Variants in DDAH1 observed in about 807,000 individuals in gnomAD.
DDAH1 encodes N(G),N(G)-dimethylarginine dimethylaminohydrolase 1.
Under a neutral mutation model 28.8 loss-of-function variants are expected in DDAH1, and 19 were observed. The ratio of observed to expected loss-of-function variants is 0.66; its 90% CI spans 0.46 to 0.97. The LOEUF is 0.97. DDAH1 is among the 50% of genes least tolerant of loss of function. The pLI, the probability that DDAH1 is intolerant of heterozygous loss-of-function variation, is 0.00. For missense variants in DDAH1, 326 were observed against 375.9 expected, an observed-to-expected ratio of 0.87 and a Z score of 1.10; for synonymous variants, 153 against 154.4, an observed-to-expected ratio of 0.99 and a Z score of 0.07.
Position 85,404,270 on chromosome 1 carries a change from A to C in DDAH1, c.304-45423T>G. ...TAGAATCCACTTCTTAGAAGATGCC[A>C]CCAGTTCATATTGACCCATTATACA... On this transcript the variant is annotated intron_variant, in intron 1 of 5. Coordinates refer to ENST00000284031, the MANE Select transcript of DDAH1 (RefSeq NM_012137.4). 3 of 1,016,994 alleles carry C rather than the reference A, an allele frequency of 2.9e-6. No individual in the cohort carries two copies. The South Asian group carries it at 5.1e-5, about 17-fold the overall frequency. 63.0% of individuals were successfully genotyped at this position (1,016,994 alleles called of 1,614,324 possible). A position where few individuals can be genotyped will look rare whatever the true frequency, so the allele number is the denominator to read the frequency against.
intron 1 of DDAH1, among the ~76,000 whole-genome samples, chr1:85,409,124 A>AT (rs1302417192): frequency 2.6e-5 from 4 of 151,872 alleles, no homozygotes; most frequent in Non-Finnish European, 4.4e-5. Context: ...ACATTATGAG[A>AT]TTTTTTTGAT....
At chr1:85,385,250 T>C (rs970548040) in intron 1 of DDAH1, among the ~76,000 whole-genome samples, 3 of 152,178 alleles carry the variant, frequency 2.0e-5, no homozygotes, top group African/African-American at 7.2e-5. Context: ...GAACCATAGC[T>C]ATAGCCAGGG....
intron 1 of DDAH1, among the ~76,000 whole-genome samples, chr1:85,408,447 A>G (rs1261450216): frequency 6.6e-6 from 1 of 152,216 alleles, no homozygotes; most frequent in African/African-American, 2.4e-5. Context: ...ACATAAAGGT[A>G]TATCATTTTG....
At chr1:85,538,478 AC>A (rs1295240943) in intron 1 of DDAH1, among the ~76,000 whole-genome samples, 1 of 152,104 alleles carries the variant, frequency 6.6e-6, no homozygotes, top group Non-Finnish European at 1.5e-5. Flanking sequence ...AAAGGGGAAC[AC>A]CCGGGGGCCT....
intron 2 of DDAH1, among the ~76,000 whole-genome samples, chr1:85,478,402 T>C (rs1425312901): frequency 6.6e-6 from 1 of 152,222 alleles, no homozygotes; most frequent in African/African-American, 2.4e-5. Flanking sequence ...AGAAGTTTAA[T>C]AGACTCACAG....
chr1:85,388,687 T>G (rs17126791), intron 1 of DDAH1, among the ~76,000 whole-genome samples: 1 of 152,264 alleles, frequency 6.6e-6, no homozygotes, highest in Admixed American at 6.5e-5. Context: ...CTTATCTGGA[T>G]GTAGCACCCA....
chr1:85,460,919 T>A (rs1655096748), intron 1 of DDAH1, among the ~76,000 whole-genome samples: 1 of 152,246 alleles, frequency 6.6e-6, no homozygotes, highest in East Asian at 1.9e-4. Context: ...TCCTACATCA[T>A]CTTTTAGATT....
chr1:85,506,663 T>C (rs1034050567), intron 1 of DDAH1, among the ~76,000 whole-genome samples: 2 of 152,196 alleles, frequency 1.3e-5, no homozygotes, highest in African/African-American at 4.8e-5. Flanking sequence ...GAGAACACCT[T>C]GAACAAGGAT....
At chr1:85,400,177 CTTTTTTTTTTTTTTT>C (rs61677601) in intron 1 of DDAH1, among the ~76,000 whole-genome samples, 3 of 54,946 alleles carry the variant, frequency 5.5e-5, no homozygotes, top group Admixed American at 2.5e-4. Flanking sequence ...CTTTTCTTTT[CTTTTTTTTTTTTTTT>C]TTTTTTTTTT....
chr1:85,372,559 A>T (rs1434377818), intron 1 of DDAH1, among the ~76,000 whole-genome samples: 2 of 151,882 alleles, frequency 1.3e-5, no homozygotes, highest in Non-Finnish European at 2.9e-5. Flanking sequence ...GGTAAGCCAT[A>T]TTTTTCTTGC....
chr1:85,435,184 G>A (rs1653877784), intron 1 of DDAH1: 1 of 152,118 alleles, frequency 6.6e-6, no homozygotes, highest in South Asian at 2.1e-4. Flanking sequence ...TTAAAGACTA[G>A]TCAAGTGCAA....
rs114193836 is a variant in DDAH1 at position 85,482,086 on chromosome 1, G to A, written c.-7+14080C>T. 4.5e-3 allele frequency among the ~76,000 whole-genome samples: 678 copies of A among 152,266 alleles called. 5 individuals carry two copies. Among genetic ancestry groups the A allele is most frequent in the African/African-American group, 0.015 (626 of 41,554 alleles). On this transcript the variant is annotated intron_variant, in intron 2 of 6. Transcript: ENST00000426972. The stretch of plus-strand genomic sequence containing the variant: ...TCAAGTTTATCAGGTAATATGCTTC[G>A]TAAGGTTCTTTCCAACCCTGTTAGC...
chr1:85,342,142 G>A (rs1341154052), intron 4 of DDAH1, among the ~76,000 whole-genome samples: 1 of 152,108 alleles, frequency 6.6e-6, no homozygotes, highest in African/African-American at 2.4e-5. Context: ...GTCACATAGG[G>A]AGAGCTGGAG....
At chr1:85,506,969 G>A (rs992096323) in intron 1 of DDAH1, among the ~76,000 whole-genome samples, 2 of 152,042 alleles carry the variant, frequency 1.3e-5, no homozygotes, top group Non-Finnish European at 2.9e-5. Flanking sequence ...AAAAGAAGAG[G>A]GGGTAGAGGC....
intron 1 of DDAH1, among the ~76,000 whole-genome samples, chr1:85,540,177 T>C (rs1658428557): frequency 6.6e-6 from 1 of 152,152 alleles, no homozygotes; most frequent in South Asian, 2.1e-4. Context: ...TAGAGTATCA[T>C]CCCCATTTTA....
rs114398162 is a variant in DDAH1 at position 85,424,790 on chromosome 1, T to A, written c.303+39953A>T. Among the ~76,000 whole-genome samples, 1,380 of 152,160 alleles carry A rather than the reference T, an allele frequency of 9.1e-3. 21 individuals are homozygous for A. The highest frequency in any genetic ancestry group is 0.032 in the African/African-American group (1,322 of 41,548). On this transcript the variant is annotated intron_variant, in intron 1 of 5. Transcript: ENST00000284031. ...TTTTCCAAATTCTCTCCAATGAGTA[T>A]ATATTTATTAGTTCTATAATCATAA... is the stretch of plus-strand genomic sequence containing the variant.
chr1:85,513,714 AAAG>A (rs1657338766), intron 1 of DDAH1, among the ~76,000 whole-genome samples: 1 of 152,270 alleles, frequency 6.6e-6, no homozygotes, highest in African/African-American at 2.4e-5. Flanking sequence ...ACACTTCTCA[AAAG>A]AAGACATTTA....
chr1:85,572,418 G>A (rs943726747), intron 1 of DDAH1, among the ~76,000 whole-genome samples: 54 of 152,104 alleles, frequency 3.6e-4, no homozygotes, highest in African/African-American at 1.2e-3. Context: ...TGCTCTCCCC[G>A]AAAGGAATGG....
Position 85,404,596 on chromosome 1 carries a change from G to GCA in DDAH1, c.304-45751_304-45750dup, listed in dbSNP as rs2100584805. On this transcript the variant is annotated intron_variant, in intron 1 of 5. Coordinates refer to ENST00000284031, the MANE Select transcript of DDAH1 (RefSeq NM_012137.4). ...TTCCAGACTCTTGTGGGAATACAGAGCATGTCTGCTGAAACCGAATCCAAG... is the reference window on the plus strand; with the variant it reads ...TTCCAGACTCTTGTGGGAATACAGAGCACATGTCTGCTGAAACCGAATCCAAG... 3 of 1,266,458 alleles carry GCA rather than the reference G, an allele frequency of 2.4e-6. No individual in the cohort carries two copies. The East Asian group carries it at 8.6e-5, about 36-fold the overall frequency. 78.5% of individuals were successfully genotyped at this position (1,266,458 alleles called of 1,614,324 possible). A position where few individuals can be genotyped will look rare whatever the true frequency, so the allele number is the denominator to read the frequency against.
Sources: gnomAD v4.1 joint callset for allele counts (sites outside exome capture counted in the v4.1 genomes callset) on GRCh38, gnomAD v4.1.1 for gene constraint, MANE v1.5 for transcripts, NCBI Gene and HGNC (gene_info 2026-07-23, HGNC 2026-07-21) for gene names.